The following ZNF550 variants were observed in gnomAD, a reference collection of about 807,000 sequenced individuals.
The protein encoded by ZNF550 is zinc finger protein 550.
Under a neutral mutation model 40.2 loss-of-function variants are expected in ZNF550, and 42 were observed. That is an observed-to-expected ratio of 1.05 (90% CI 0.82 to 1.35). The LOEUF is 1.35. ZNF550 is among the 40% of genes most tolerant of loss of function. The pLI, the probability that ZNF550 is intolerant of heterozygous loss-of-function variation, is 0.00. For missense variants in ZNF550, 549 were observed against 525.2 expected (o/e 1.05, Z -0.44); for synonymous variants, 223 against 198.6 (o/e 1.12, Z -1.03).
At chr19:57,547,679 G>T (rs746014880) in exon 4 of ZNF550, 3 of 1,614,188 alleles carry the variant, frequency 1.9e-6, no homozygotes, top group Non-Finnish European at 2.5e-6. Flanking sequence ...TTCCCTGGTT[G>T]CTGTGAGTCA....
At chr19:57,543,755 G>A (rs2089982670) in intron 4 of ZNF550, 1 of 429,942 alleles carries the variant, frequency 2.3e-6, no homozygotes, top group Non-Finnish European at 3.1e-6. Flanking sequence ...GGCCAACATG[G>A]TGAAACCCCG....
Position 57,554,727 on chromosome 19 carries a change from G to T in ZNF550, c.154+1504C>A, listed in dbSNP as rs1260328334. ...TCCACCAATGTGTGCTACATGCCTG[G>T]CTTTGAGTTCTGGGACAGGGCTGTG... On this transcript the variant is annotated intron_variant, in intron 2 of 4. Coordinates refer to ENST00000457177, the Ensembl canonical transcript of ZNF550. This position sits in a 1 kb window ranked among gnomAD's most constrained non-coding sequence, Gnocchi z 4.5. 1 of 152,228 alleles carries T rather than the reference G, an allele frequency of 6.6e-6. No individual in the cohort carries two copies. The highest frequency in any genetic ancestry group is 1.5e-5 in the Non-Finnish European group (1 of 68,058). 9.4% of individuals were successfully genotyped at this position (152,228 alleles called of 1,614,324 possible).
chr19:57,543,932 CTG>C (rs923100408), intron 4 of ZNF550: 46 of 981,050 alleles, frequency 4.7e-5, no homozygotes, highest in Admixed American at 6.1e-5. Flanking sequence ...GAGTGAAACT[CTG>C]TCTCAAAAAC....
chr19:57,543,893 G>T, intron 4 of ZNF550: 1 of 852,168 alleles, frequency 1.2e-6, no homozygotes, highest in Non-Finnish European at 1.4e-6. Context: ...AGCTGAGATG[G>T]CGCCACTGCA....
intron 3 of ZNF550, 149 bp downstream of exon 3, chr19:57,552,478 A>T: frequency 1.7e-6 from 1 of 606,012 alleles, no homozygotes; most frequent in Non-Finnish European, 2.9e-6. Flanking sequence ...TCACCTGATG[A>T]TGGACACTAT....
At chr19:57,552,808 TC>T in intron 2 of ZNF550, 86 bp from the exon 3 acceptor site, 2 of 978,366 alleles carry the variant, frequency 2.0e-6, no homozygotes, top group Non-Finnish European at 3.1e-6. Flanking sequence ...CATGACAGGG[TC>T]CAGACATGAA....
intron 4 of ZNF550, chr19:57,543,967 T>C: frequency 1.0e-6 from 1 of 985,182 alleles, no homozygotes; most frequent in Non-Finnish European, 1.2e-6. Flanking sequence ...ATGTTTTACC[T>C]CAATCATAAA....
intron 3 of ZNF550, among the ~76,000 whole-genome samples, chr19:57,551,195 C>T (rs1294757729): frequency 1.3e-5 from 2 of 152,046 alleles, no homozygotes; most frequent in Non-Finnish European, 2.9e-5. Flanking sequence ...AGTATGAGAC[C>T]GTGCAGATGA....
At chr19:57,549,795 G>A (rs1249092102) in intron 3 of ZNF550, among the ~76,000 whole-genome samples, 2 of 152,220 alleles carry the variant, frequency 1.3e-5, no homozygotes, top group African/African-American at 4.8e-5. Context: ...GCCTAGTGTA[G>A]TAAGATCTGA....
rs771542995 is a variant in ZNF550, at chr19:57,547,166, G to A, written c.1078C>T (p.Gln360Ter). 9.9e-6 allele frequency: 16 copies of A among 1,611,462 alleles called. No individual in the cohort carries two copies. The highest frequency in any genetic ancestry group is 1.4e-5 in the Non-Finnish European group (16 of 1,177,958). Residue 360 changes from glutamine to a stop codon, truncating the protein, a stop_gained, in exon 4 of 5, where the codon CAG becomes TAG. Transcript: ENST00000457177. LOFTEE classifies it high-confidence loss of function. ...TCCCCAGTGTGAATCCGCTGGTGCT[G>A]TATGAGTTCTGAGCTGCATCTGAAG...
At chr19:57,546,472 T>TA in exon 4 of ZNF550, 1 of 987,384 alleles carries the variant, frequency 1.0e-6, no homozygotes, top group Non-Finnish European at 1.2e-6. Context: ...ACTGAAGGTT[T>TA]TCATAAGTTC....
At chr19:57,553,930 C>T (rs1436043122) in intron 2 of ZNF550, 1 of 152,202 alleles carries the variant, frequency 6.6e-6, no homozygotes. Flanking sequence ...AATCCCAGCA[C>T]TATAGGAGGC....
chr19:57,543,189 T>C (rs1454273409), exon 5 of ZNF550: 10 of 948,492 alleles, frequency 1.1e-5, no homozygotes, highest in African/African-American at 1.8e-5. Context: ...TTCTATTATG[T>C]TTTTATTCCG....
chr19:57,555,375 G>A (rs1196637673), intron 2 of ZNF550: 1 of 152,246 alleles, frequency 6.6e-6, no homozygotes, highest in Non-Finnish European at 1.5e-5. Context: ...GTCTTGCTCA[G>A]TCACCCAGGC....
intron 4 of ZNF550, among the ~76,000 whole-genome samples, chr19:57,544,760 C>G (rs993354861): frequency 3.3e-5 from 5 of 152,174 alleles, no homozygotes; most frequent in African/African-American, 1.2e-4. Flanking sequence ...ATTTTTCACA[C>G]GTTTTAACCT....
Position 57,543,862 on chromosome 19 carries a change from C to T in ZNF550, c.*519-619G>A, listed in dbSNP as rs181196402. 580 of 658,782 alleles carry T rather than the reference C, an allele frequency of 8.8e-4. 2 individuals carry two copies. The highest frequency in any genetic ancestry group is 8.0e-3 in the African/African-American group (407 of 50,850). The allele number at this position is 658,782 out of a possible 1,614,324, so 40.8% of individuals were successfully genotyped here. A position where few individuals can be genotyped will look rare whatever the true frequency, so the allele number is the denominator to read the frequency against. On this transcript the variant is annotated intron_variant, in intron 4 of 4. Coordinates refer to ENST00000457177, the Ensembl canonical transcript of ZNF550. ...CTGAGGCAGGAGAATCCCTTGAACT[C>T]GGGAGGCAGAAGTTGCAGTGAGCTG...
chr19:57,545,906 A>G (rs952286938), intron 4 of ZNF550, among the ~76,000 whole-genome samples: 8 of 152,128 alleles, frequency 5.3e-5, no homozygotes, highest in African/African-American at 1.9e-4. Flanking sequence ...CAAGCTACTC[A>G]GAAACTTGAG....
At chr19:57,543,664 G>A (rs751447528) in intron 4 of ZNF550, 41 of 984,666 alleles carry the variant, frequency 4.2e-5, no homozygotes, top group Admixed American at 1.8e-4. Flanking sequence ...TGCCGGGCAC[G>A]GTGGCTCACG....
intron 4 of ZNF550, among the ~76,000 whole-genome samples, chr19:57,545,699 C>A (rs891853600): frequency 2.0e-5 from 3 of 152,110 alleles, no homozygotes; most frequent in African/African-American, 4.8e-5. Flanking sequence ...CTGGGGAACA[C>A]AGCAAGACCT....
Sources: gnomAD v4.1 joint callset for allele counts (sites outside exome capture counted in the v4.1 genomes callset) on GRCh38, gnomAD v4.1.1 for gene constraint, Gnocchi (gnomAD v3.1) non-coding constraint, MANE v1.5 for transcripts, NCBI Gene and HGNC (gene_info 2026-07-23, HGNC 2026-07-21) for gene names.